The following PXYLP1 variants were observed in gnomAD, a reference collection of about 807,000 sequenced individuals.
PXYLP1 encodes the protein acid phosphatase-like 2.
Under a neutral mutation model 37.9 loss-of-function variants are expected in PXYLP1, and 17 were observed. The ratio of observed to expected loss-of-function variants is 0.45; its 90% CI spans 0.31 to 0.67. The LOEUF (loss-of-function observed/expected upper bound fraction) is 0.67. PXYLP1 is among the 30% of genes least tolerant of loss of function. The pLI, the probability that PXYLP1 is intolerant of heterozygous loss-of-function variation, is 0.07. For missense variants in PXYLP1, 511 were observed against 612.0 expected, an observed-to-expected ratio of 0.84 and a Z score of 1.74; for synonymous variants, 221 against 232.2, an observed-to-expected ratio of 0.95 and a Z score of 0.44.
intron 4 of PXYLP1, among the ~76,000 whole-genome samples, chr3:141,279,829 C>G (rs1470849763): frequency 6.6e-6 from 1 of 152,200 alleles, no homozygotes; most frequent in Non-Finnish European, 1.5e-5. Context: ...CTCACCTGCT[C>G]CATTCAGAGC....
intron 2 of PXYLP1, among the ~76,000 whole-genome samples, chr3:141,272,107 T>G (rs1008508013): frequency 6.6e-6 from 1 of 152,172 alleles, no homozygotes; most frequent in Non-Finnish European, 1.5e-5. Context: ...CCCAGGGCCT[T>G]GGTATAGGGA....
intron 2 of PXYLP1, among the ~76,000 whole-genome samples, chr3:141,261,743 GAACC>G (rs879462001): frequency 0.11 from 17,443 of 152,170 alleles, 1,344 homozygotes; most frequent in East Asian, 0.2. Flanking sequence ...TGTATCCCAG[GAACC>G]AGCACTGCCT....
chr3:141,279,307 C>A, intron 3 of PXYLP1, 71 bp from the exon 4 acceptor site: 1 of 1,571,576 alleles, frequency 6.4e-7, no homozygotes. Context: ...GCCAGGTCAT[C>A]CCCTTGGCCC....
intron 3 of PXYLP1, among the ~76,000 whole-genome samples, chr3:141,279,049 G>C (rs964592310): frequency 2.0e-5 from 3 of 152,166 alleles, no homozygotes; most frequent in African/African-American, 7.2e-5. Context: ...TAGTATTTCC[G>C]TGGCTCTCTC....
intron 2 of PXYLP1, chr3:141,274,219 G>A (rs1941735731): frequency 1.8e-6 from 2 of 1,136,466 alleles, no homozygotes; most frequent in South Asian, 5.6e-5. Flanking sequence ...CTCAAGAGCT[G>A]ATGTGGTGAG....
In PXYLP1 at chr3:141,249,324, G is replaced by A. The variant is rs559505163; in HGVS notation, c.-53-10799G>A. On this transcript the variant is annotated intron_variant, in intron 1 of 5. Coordinates refer to ENST00000286353, the MANE Select transcript of PXYLP1 (RefSeq NM_001037172.3). ...GGCAAAACGCCTCTCAGTGGCATGC[G>A]TGAGTGCTCCTGTCCATGAGTCCAT... Among the ~76,000 whole-genome samples the A allele has an allele frequency of 1.1e-4, 16 of 152,270 alleles. No homozygotes were observed. The East Asian group carries it at 2.5e-3, about 24-fold the overall frequency.
At chr3:141,284,496 A>C (rs532036488) in intron 4 of PXYLP1, among the ~76,000 whole-genome samples, 1 of 152,354 alleles carries the variant, frequency 6.6e-6, no homozygotes, top group African/African-American at 2.4e-5. Flanking sequence ...CGACTAGTAC[A>C]CTAGTCTCAT....
chr3:141,260,395 G>A, intron 2 of PXYLP1, 141 bp downstream of exon 2: 1 of 941,466 alleles, frequency 1.1e-6, no homozygotes, highest in Non-Finnish European at 1.6e-6. Flanking sequence ...ACAGTGGCCG[G>A]TTGCAAGGAG....
intron 4 of PXYLP1, among the ~76,000 whole-genome samples, chr3:141,282,042 G>A (rs1057041634): frequency 4.6e-5 from 7 of 152,108 alleles, no homozygotes; most frequent in African/African-American, 1.7e-4. Context: ...GCAGCTAGTG[G>A]TGTTATTATT....
chr3:141,272,240 T>C (rs1941682214), intron 2 of PXYLP1, among the ~76,000 whole-genome samples: 2 of 152,158 alleles, frequency 1.3e-5, no homozygotes, highest in Non-Finnish European at 2.9e-5. Flanking sequence ...TATAACTTTA[T>C]CTGCTGCCCC....
intron 3 of PXYLP1, among the ~76,000 whole-genome samples, chr3:141,278,906 T>A (rs138278805): frequency 6.6e-6 from 1 of 152,380 alleles, no homozygotes; most frequent in Non-Finnish European, 1.5e-5. Context: ...GCTGGCGTCT[T>A]GCCATAGAAG....
At chr3:141,280,740 G>A (rs985306446) in intron 4 of PXYLP1, among the ~76,000 whole-genome samples, 2 of 152,178 alleles carry the variant, frequency 1.3e-5, no homozygotes, top group Non-Finnish European at 2.9e-5. Flanking sequence ...TGTCTTCCCA[G>A]GTGCTACTTC....
At chr3:141,261,854 G>A (rs774438369) in intron 2 of PXYLP1, among the ~76,000 whole-genome samples, 2 of 152,228 alleles carry the variant, frequency 1.3e-5, no homozygotes, top group Non-Finnish European at 2.9e-5. Flanking sequence ...TTCTGTTGCT[G>A]TGTATTTGAA....
intron 5 of PXYLP1, among the ~76,000 whole-genome samples, chr3:141,288,378 C>T (rs897126479): frequency 2.0e-5 from 3 of 152,070 alleles, no homozygotes; most frequent in African/African-American, 4.8e-5. Context: ...TAGGTTTTGC[C>T]ATTATTATTG....
intron 2 of PXYLP1, chr3:141,273,215 G>A (rs1941711306): frequency 1.5e-5 from 15 of 985,264 alleles, no homozygotes; most frequent in African/African-American, 1.7e-5. Flanking sequence ...ATTCTCTGAA[G>A]AATCCCCAGC....
chr3:141,279,535 C>T (rs1294025126), intron 4 of PXYLP1, 31 bp downstream of exon 4: 1 of 1,613,502 alleles, frequency 6.2e-7, no homozygotes, highest in African/African-American at 1.3e-5. Context: ...AAGTCATTTT[C>T]AAGTGTCTGT....
chr3:141,291,231 G>T (rs1942196852), intron 5 of PXYLP1, among the ~76,000 whole-genome samples: 2 of 152,012 alleles, frequency 1.3e-5, no homozygotes, highest in Admixed American at 6.5e-5. Flanking sequence ...CTGGTCACAG[G>T]GCCTGTGTGT....
Position 141,231,830 on chromosome 3 carries a change from C to T in PXYLP1, c.-135C>T, listed in dbSNP as rs1436130506. ...GGCGGGTGCGCGCCGCCCTCGCCTC[C>T]CCTCGCGCCGGGAGGAGCTGGCGGC... On this transcript the variant is annotated 5_prime_UTR_variant, in exon 1 of 6. Transcript: ENST00000286353. The surrounding 1 kb of genome is among the most constrained non-coding windows in gnomAD (Gnocchi z 4.4). The T allele has an allele frequency of 1.3e-5, 2 of 150,534 alleles. No homozygotes were observed. The highest frequency in any genetic ancestry group is 3.0e-5 in the Non-Finnish European group (2 of 67,456). 9.3% of individuals were successfully genotyped at this position (150,534 alleles called of 1,614,324 possible).
At chr3:141,256,039 G>T (rs893362274) in intron 1 of PXYLP1, among the ~76,000 whole-genome samples, 7 of 152,318 alleles carry the variant, frequency 4.6e-5, no homozygotes, top group Admixed American at 3.9e-4. Flanking sequence ...GATGGGATGG[G>T]GCCAGTGAGT....
Sources: gnomAD v4.1 joint callset for allele counts (sites outside exome capture counted in the v4.1 genomes callset) on GRCh38, gnomAD v4.1.1 for gene constraint, Gnocchi (gnomAD v3.1) non-coding constraint, MANE v1.5 for transcripts, NCBI Gene and HGNC (gene_info 2026-07-23, HGNC 2026-07-21) for gene names.